The following NASP variants were observed in gnomAD, a reference collection of about 807,000 sequenced individuals.
The protein encoded by NASP is nuclear autoantigenic sperm protein.
Under a neutral mutation model 89.5 loss-of-function variants are expected in NASP, and 24 were observed. That is an observed-to-expected ratio of 0.27 (90% CI 0.19 to 0.38). The LOEUF is 0.38. NASP is among the 10% of genes least tolerant of loss of function. The probability of loss-of-function intolerance (pLI) is 1.00; values close to 1 mark genes in which losing one functional copy is unlikely to be tolerated. For missense variants in NASP, 848 were observed against 921.4 expected, an observed-to-expected ratio of 0.92 and a Z score of 1.03; for synonymous variants, 306 against 324.7, an observed-to-expected ratio of 0.94 and a Z score of 0.62.
In NASP at chr1:45,608,060, G is replaced by A. The variant is rs761576032; in HGVS notation, c.1149G>A (p.Pro383=). ...VLPKDGAVNG[P]SVVGDQTPIE... ...CTAAGGATGGTGCAGTCAATGGACC[G>A]TCAGTTGTAGGAGATCAGACTCCTA... is the stretch of plus-strand genomic sequence containing the variant. The change falls in exon 6 of 15, where the codon CCG becomes CCA. Residue 383 remains proline, a synonymous_variant. Transcript: ENST00000350030. 16 of 1,614,020 alleles carry A rather than the reference G, an allele frequency of 9.9e-6. No homozygotes were observed. Among genetic ancestry groups the A allele is most frequent in the Non-Finnish European group, 6.8e-6 (8 of 1,179,896 alleles).
chr1:45,609,148 A>G (rs552824059), intron 6 of NASP, among the ~76,000 whole-genome samples: 2 of 152,204 alleles, frequency 1.3e-5, no homozygotes, highest in Non-Finnish European at 2.9e-5. Context: ...GCCTCTAATT[A>G]TTACATAACT....
chr1:45,617,439 A>G, intron 13 of NASP, 24 bp from the exon 14 acceptor site: 1 of 1,603,828 alleles, frequency 6.2e-7, no homozygotes, highest in Non-Finnish European at 8.5e-7. Context: ...CACATTTGTG[A>G]AGCCTTCACA....
rs1643910971 is a variant in NASP, at chr1:45,606,538, A to G, written c.356A>G (p.Glu119Gly). 4 of 1,613,908 alleles carry G rather than the reference A, an allele frequency of 2.5e-6. No individual in the cohort carries two copies. Among genetic ancestry groups the G allele is most frequent in the South Asian group, 2.2e-5 (2 of 91,066 alleles). The stretch of plus-strand genomic sequence containing the variant: ...GAAGGTGTGCATGTGGAAGAGGAAG[A>G]AGGAGAAAAAACAGAAGATGAATCT... The part of the protein sequence containing the change: ...ALEGVHVEEE[E>G]GEKTEDESLV... The change falls in exon 5 of 15, where the codon GAA (glutamate) becomes GGA (glycine). Residue 119 changes from glutamate to glycine, a missense_variant. Glu to Gly is a moderately conservative substitution (Grantham distance 98). Coordinates refer to ENST00000350030, the MANE Select transcript of NASP (RefSeq NM_002482.4).
In NASP at chr1:45,602,515, G is replaced by C; in HGVS notation, c.218+150G>C. ...GTGGTTTGTACCAGTAACTATAAGT[G>C]TAAAACTTAAATATCACCAAGCAGT... On this transcript the variant is annotated intron_variant, in intron 3 of 14. Transcript: ENST00000350030. The C allele has an allele frequency of 8.2e-6, 6 of 730,760 alleles. 1 individual carries two copies. In the South Asian group the frequency reaches 1.2e-4, roughly 14 times the overall value. The allele number at this position is 730,760 out of a possible 1,614,324, so 45.3% of individuals were successfully genotyped here.
intron 11 of NASP, 29 bp from the exon 12 acceptor site, chr1:45,616,308 A>G (rs375571357): frequency 1.9e-6 from 3 of 1,611,920 alleles, no homozygotes; most frequent in African/African-American, 1.3e-5. Flanking sequence ...TCTATCTTCA[A>G]ACTAATTTGG....
In NASP at chr1:45,614,287, T is replaced by G; in HGVS notation, c.1593-6T>G. ...TAAGGTTTTTGATCAATTTTCCTTC[T>G]TTTAGGCAAGAAACAAAAGAAGCAC... is the stretch of plus-strand genomic sequence containing the variant. On this transcript the variant is annotated splice_region_variant and splice_polypyrimidine_tract_variant and intron_variant, in intron 8 of 14. Transcript: ENST00000350030. 4 of 1,613,636 alleles carry G rather than the reference T, an allele frequency of 2.5e-6. No homozygotes were observed. The highest frequency in any genetic ancestry group is 3.4e-6 in the Non-Finnish European group (4 of 1,179,538).
At chr1:45,597,947 T>A (rs1384771177) in intron 2 of NASP, among the ~76,000 whole-genome samples, 1 of 152,190 alleles carries the variant, frequency 6.6e-6, no homozygotes, top group Non-Finnish European at 1.5e-5. Context: ...TTACCTCACA[T>A]CAGTTTCTTT....
At position 45,605,164 on chromosome 1, in the gene NASP, T is replaced by TA. The variant is rs1013868396; in HGVS notation, c.299+149dup. The TA allele has an allele frequency of 1.7e-5, 11 of 659,374 alleles. No individual in the cohort carries two copies. In the African/African-American group the frequency reaches 2.0e-4, roughly 12 times the overall value. The allele number at this position is 659,374 out of a possible 1,614,324, so 40.8% of individuals were successfully genotyped here. On this transcript the variant is annotated intron_variant, in intron 4 of 14. Coordinates refer to ENST00000350030, the MANE Select transcript of NASP (RefSeq NM_002482.4). ...GATGGAAGTTGTGAATGGCACTTGA[T>TA]ACAATTAGTAGTTATATTTAAGTTT...
chr1:45,613,209 G>C lies in NASP; in HGVS notation c.1467G>C (p.Lys489Asn). ...GSEEDDKEND[K>N]TEEMPNDSVL... ...AAGAGGATGATAAAGAAAATGATAA[G>C]ACCGAAGAAATGCCAAATGATTCAG... The change falls in exon 7 of 15, where the codon AAG becomes AAC. Residue 489 changes from lysine (K) to asparagine (N), a missense_variant. Physicochemically the swap from Lys to Asn is moderately conservative, Grantham distance 94 (BLOSUM62 0). Transcript: ENST00000350030. The C allele has an allele frequency of 6.2e-7, 1 of 1,611,944 alleles. No individual in the cohort carries two copies. Among genetic ancestry groups the C allele is most frequent in the Non-Finnish European group, 8.5e-7 (1 of 1,178,860 alleles).
chr1:45,611,806 A>C (rs1644016895), intron 6 of NASP: 1 of 149,770 alleles, frequency 6.7e-6, no homozygotes, highest in Non-Finnish European at 1.5e-5. Context: ...ACTTGTGCCC[A>C]GGTATCAATG....
chr1:45,589,626 G>A (rs529397111), intron 1 of NASP, among the ~76,000 whole-genome samples: 7 of 152,232 alleles, frequency 4.6e-5, no homozygotes, highest in South Asian at 4.2e-4. Context: ...CAGGCTGGGC[G>A]CAGTGGCTCA....
rs201675966 is a variant in NASP at position 45,617,616 on chromosome 1, C to T, written c.2286+25C>T. 1.0e-4 allele frequency: 160 copies of T among 1,549,344 alleles called. 1 individual carries two copies. Among genetic ancestry groups the T allele is most frequent in the Non-Finnish European group, 1.2e-4 (143 of 1,154,666 alleles). Reference sequence around the variant, plus strand: ...GGTGGGCAGTTAAGCAGGGCTTAGCCTCTTGCCTCATTCCTTGTTCTCAGG... The same window carrying T: ...GGTGGGCAGTTAAGCAGGGCTTAGCTTCTTGCCTCATTCCTTGTTCTCAGG... On this transcript the variant is annotated intron_variant, in intron 14 of 14. Coordinates refer to ENST00000350030, the MANE Select transcript of NASP (RefSeq NM_002482.4).
In NASP at chr1:45,586,002, G is replaced by T. The variant is rs1016734749; in HGVS notation, c.59+1797G>T. ...AACAAATACCTCTTGCAGGTCCCCT[G>T]TGTCTAGCCAGAGTTAGGTCATTAG... On this transcript the variant is annotated intron_variant, in intron 1 of 14. Transcript: ENST00000350030. Among the ~76,000 whole-genome samples, 74 of 152,194 alleles carry T rather than the reference G, an allele frequency of 4.9e-4. 1 individual carries two copies. The highest frequency in any genetic ancestry group is 3.4e-4 in the Non-Finnish European group (23 of 68,038).
At chr1:45,603,460 G>C (rs1643875761) in intron 3 of NASP, among the ~76,000 whole-genome samples, 1 of 152,018 alleles carries the variant, frequency 6.6e-6, no homozygotes, top group African/African-American at 2.4e-5. Context: ...AACCCCTACT[G>C]CCTCTGCCAA....
At chr1:45,613,657 CTAATT>C (rs1340808639) in intron 7 of NASP, among the ~76,000 whole-genome samples, 3 of 152,144 alleles carry the variant, frequency 2.0e-5, no homozygotes, top group African/African-American at 7.2e-5. Context: ...AATTTGTTCT[CTAATT>C]TTATTTTGTT....
intron 2 of NASP, 129 bp from the exon 3 acceptor site, chr1:45,602,126 G>A (rs1328806878): frequency 9.2e-7 from 1 of 1,081,980 alleles, no homozygotes; most frequent in Non-Finnish European, 1.3e-6. Context: ...GTAAATAAGT[G>A]TGTTAGCCAG....
At chr1:45,604,779 T>C in intron 3 of NASP, 157 bp from the exon 4 acceptor site, 1 of 578,658 alleles carries the variant, frequency 1.7e-6, no homozygotes. Flanking sequence ...AAAATTTTCA[T>C]GCATTGTTTA....
rs1275268932 is a variant in NASP, at chr1:45,606,606, A to G, written c.409+15A>G. 1 of 1,529,692 alleles carries G rather than the reference A, an allele frequency of 6.5e-7. No individual in the cohort carries two copies. Among genetic ancestry groups the G allele is most frequent in the African/African-American group, 1.4e-5 (1 of 73,328 alleles). The allele number at this position is 1,529,692 out of a possible 1,614,324, so 94.8% of individuals were successfully genotyped here. A position where few individuals can be genotyped will look rare whatever the true frequency, so the allele number is the denominator to read the frequency against. ...TAACATAGATGGTATGTGGAGTTGC[A>G]TGTGACATTCAAGAGATGCGACGTT... On this transcript the variant is annotated intron_variant, in intron 5 of 14. Transcript: ENST00000350030.
At chr1:45,593,394 G>A (rs377648458) in intron 2 of NASP, among the ~76,000 whole-genome samples, 4 of 151,892 alleles carry the variant, frequency 2.6e-5, no homozygotes, top group South Asian at 4.2e-4. Flanking sequence ...TTAGTTGAGC[G>A]TGGTGGCGGG....
Sources: allele counts gnomAD v4.1 joint callset (sites outside exome capture counted in the v4.1 genomes callset), GRCh38; gene constraint gnomAD v4.1.1; transcripts MANE v1.5; gene names NCBI Gene and HGNC (gene_info 2026-07-23, HGNC 2026-07-21).